The following SPMIP11 variants were observed in gnomAD, a reference collection of about 807,000 sequenced individuals.
SPMIP11 encodes the protein long intergenic non-protein coding RNA 935.
chr12:48,742,354 T>G, the SPMIP11 span, among the ~76,000 whole-genome samples: 1 of 142,956 alleles, frequency 7.0e-6, no homozygotes, highest in Admixed American at 7.5e-5. Flanking sequence ...CGATCTCGGC[T>G]CACCGCAACC....
the SPMIP11 span, among the ~76,000 whole-genome samples, chr12:48,754,506 A>G: frequency 6.6e-6 from 1 of 151,788 alleles, no homozygotes; most frequent in Middle Eastern, 3.4e-3. Flanking sequence ...GCTGGAGTGC[A>G]GTGGTGTGAT....
the SPMIP11 span, among the ~76,000 whole-genome samples, chr12:48,729,707 TAAAAAAAAAA>T: frequency 1.8e-5 from 2 of 112,466 alleles, no homozygotes; most frequent in East Asian, 2.6e-4. Flanking sequence ...AGACTCCGTC[TAAAAAAAAAA>T]AAAAAAAAAA....
At chr12:48,770,918 C>T in the SPMIP11 span, 3 of 1,614,102 alleles carry the variant, frequency 1.9e-6, no homozygotes, top group Non-Finnish European at 2.5e-6. Context: ...CATGTAGGTG[C>T]TACCAATCGT....
chr12:48,736,699 G>GTTTTTTTTTTTTTT, the SPMIP11 span, among the ~76,000 whole-genome samples: 1 of 144,316 alleles, frequency 6.9e-6, no homozygotes, highest in Non-Finnish European at 1.5e-5. Flanking sequence ...TGGGTCGCAT[G>GTTTTTTTTTTTTTT]TTTTTTTTTT....
At chr12:48,732,266 A>G in the SPMIP11 span, among the ~76,000 whole-genome samples, 1 of 152,146 alleles carries the variant, frequency 6.6e-6, no homozygotes, top group Non-Finnish European at 1.5e-5. Context: ...CTGGGACAAG[A>G]ATTTAGTGAA....
chr12:48,752,023 T>C, the SPMIP11 span, among the ~76,000 whole-genome samples: 4 of 147,730 alleles, frequency 2.7e-5, no homozygotes, highest in Admixed American at 2.7e-4. Context: ...GCTCAGATCA[T>C]GCCACTGTGC....
the SPMIP11 span, among the ~76,000 whole-genome samples, chr12:48,734,773 G>A: frequency 3.2e-4 from 48 of 151,960 alleles, no homozygotes; most frequent in Non-Finnish European, 2.6e-4. Flanking sequence ...AGGCCAAGGC[G>A]GGCAGATCAC....
At chr12:48,745,698 G>A in the SPMIP11 span, among the ~76,000 whole-genome samples, 1 of 152,142 alleles carries the variant, frequency 6.6e-6, no homozygotes, top group Non-Finnish European at 1.5e-5. Flanking sequence ...GCAGGGTTTT[G>A]CAAATCTTTC....
At chr12:48,744,769 A>T in the SPMIP11 span, among the ~76,000 whole-genome samples, 1 of 150,098 alleles carries the variant, frequency 6.7e-6, no homozygotes. Context: ...GAGGAGGAGG[A>T]AGAGGAAGAG....
the SPMIP11 span, among the ~76,000 whole-genome samples, chr12:48,746,365 T>C: frequency 7.0e-6 from 1 of 142,394 alleles, no homozygotes; most frequent in Non-Finnish European, 1.5e-5. Flanking sequence ...AATTCCTTTT[T>C]TTTTTTTTTT....
At chr12:48,738,070 C>T in the SPMIP11 span, among the ~76,000 whole-genome samples, 201 of 151,810 alleles carry the variant, frequency 1.3e-3, 1 homozygote, top group Admixed American at 5.8e-3. Context: ...AGCAATCTGC[C>T]CACTTTGGCC....
the SPMIP11 span, among the ~76,000 whole-genome samples, chr12:48,761,903 T>G: frequency 6.7e-6 from 1 of 149,168 alleles, no homozygotes; most frequent in Admixed American, 6.7e-5. Flanking sequence ...TTTTTTTTTT[T>G]AATAGAGACA....
the SPMIP11 span, chr12:48,769,069 G>A: frequency 6.2e-7 from 1 of 1,605,762 alleles, no homozygotes; most frequent in Admixed American, 1.7e-5. Context: ...GCCCTGAGGT[G>A]GAGAGAACAG....
At chr12:48,748,321 A>G in the SPMIP11 span, among the ~76,000 whole-genome samples, 1 of 152,014 alleles carries the variant, frequency 6.6e-6, no homozygotes, top group East Asian at 1.9e-4. Flanking sequence ...TTCCATCAGT[A>G]TACAAATATG....
At chr12:48,747,168 T>C in the SPMIP11 span, among the ~76,000 whole-genome samples, 1 of 152,176 alleles carries the variant, frequency 6.6e-6, no homozygotes, top group African/African-American at 2.4e-5. Context: ...TTTTTATTTT[T>C]TTTTGGAGAG....
chr12:48,758,104 G>A, the SPMIP11 span, among the ~76,000 whole-genome samples: 2 of 152,168 alleles, frequency 1.3e-5, no homozygotes. Context: ...TAAGTTCAAG[G>A]CTTCAGTGAG....
chr12:48,763,231 A>C, the SPMIP11 span, among the ~76,000 whole-genome samples: 7 of 152,236 alleles, frequency 4.6e-5, no homozygotes, highest in Non-Finnish European at 1.0e-4. Context: ...GTGCAGTGGC[A>C]CAATCATGGC....
chr12:48,753,772 G>A, the SPMIP11 span, among the ~76,000 whole-genome samples: 1 of 148,706 alleles, frequency 6.7e-6, no homozygotes, highest in African/African-American at 2.5e-5. Flanking sequence ...CGCAATATCG[G>A]CTCACTGCAA....
the SPMIP11 span, among the ~76,000 whole-genome samples, chr12:48,752,088 CA>C: frequency 7.1e-6 from 1 of 140,228 alleles, no homozygotes; most frequent in African/African-American, 2.6e-5. Flanking sequence ...AACAAACAAA[CA>C]AAAAAAGGTG....
Sources: allele counts gnomAD v4.1 joint callset (sites outside exome capture counted in the v4.1 genomes callset), GRCh38; gene constraint gnomAD v4.1.1; transcripts MANE v1.5; gene names NCBI Gene and HGNC (gene_info 2026-07-23, HGNC 2026-07-21).